Variants in RB1CC1 observed in about 807,000 individuals in gnomAD.
RB1CC1 encodes the protein RB1-inducible coiled-coil protein 1.
A neutral mutation model predicts 177.5 loss-of-function variants in RB1CC1; 46 were observed. The ratio of observed to expected loss-of-function variants is 0.26; its 90% CI spans 0.20 to 0.33. The LOEUF (loss-of-function observed/expected upper bound fraction) is 0.33, where lower values mean the gene tolerates loss of function less well. Among genes scored for constraint, RB1CC1 ranks in the 10% least tolerant of loss-of-function variants. The pLI is 1.00. For missense variants in RB1CC1, 1,703 were observed against 1,816.3 expected (o/e 0.94, Z 1.13); for synonymous variants, 666 against 613.6 (o/e 1.09, Z -1.26).
chr8:52,705,335 T>C (rs927429901), intron 1 of RB1CC1, among the ~76,000 whole-genome samples: 12 of 152,202 alleles, frequency 7.9e-5, no homozygotes, highest in African/African-American at 2.9e-4. Flanking sequence ...TGGCTATCCA[T>C]AGCATGAAGA....
At chr8:52,686,550 GA>G (rs1242174209) in intron 2 of RB1CC1, among the ~76,000 whole-genome samples, 1 of 151,838 alleles carries the variant, frequency 6.6e-6, no homozygotes, top group African/African-American at 2.4e-5. Flanking sequence ...TATCTCAAAA[GA>G]AAAAGAGAAA....
chr8:52,676,503 T>C lies in RB1CC1; in HGVS notation c.438A>G (p.Gln146=), dbSNP rs768996413. 4 of 1,613,658 alleles carry C rather than the reference T, an allele frequency of 2.5e-6. No individual in the cohort carries two copies. Among genetic ancestry groups the C allele is most frequent in the South Asian group, 2.2e-5 (2 of 90,924 alleles). ...CEGLVHDEHL[Q]HQGWAAIMAN... ...CCATGATTGCAGCCCAGCCTTGGTG[T>C]TGAAGATGTTCATCATGTACAAGAC... Residue 146 remains glutamine, a synonymous_variant, in exon 6 of 24, where the codon CAA becomes CAG. Transcript: ENST00000025008.
intron 1 of RB1CC1, among the ~76,000 whole-genome samples, chr8:52,690,533 G>A (rs376421249): frequency 6.6e-6 from 1 of 152,178 alleles, no homozygotes; most frequent in Admixed American, 6.5e-5. Flanking sequence ...TGTGATCAAA[G>A]GAGGCCTCTA....
chr8:52,658,941 T>A lies in RB1CC1; in HGVS notation c.1725A>T (p.Pro575=). Residue 575 remains proline, a synonymous_variant, in exon 13 of 24, where the codon CCA becomes CCT. Coordinates refer to ENST00000025008, the MANE Select transcript of RB1CC1 (RefSeq NM_014781.5). ...ACTGTAAATCTTTTAATGAAATATC[T>A]GGAAGTTCACAGTCAAACTTTCGAG... is the stretch of plus-strand genomic sequence containing the variant. ...QKPRKFDCEL[P]DISLKDLQFL... The A allele has an allele frequency of 6.3e-7, 1 of 1,580,806 alleles. No homozygotes were observed. Among genetic ancestry groups the A allele is most frequent in the South Asian group, 1.2e-5 (1 of 84,308 alleles).
At chr8:52,678,526 GTA>G (rs1209789401) in intron 5 of RB1CC1, among the ~76,000 whole-genome samples, 1 of 152,188 alleles carries the variant, frequency 6.6e-6, no homozygotes, top group Admixed American at 6.5e-5. Flanking sequence ...CATTTTGTGT[GTA>G]TATCAAAGTC....
chr8:52,674,841 C>A (rs1852950188), intron 6 of RB1CC1, among the ~76,000 whole-genome samples: 4 of 150,404 alleles, frequency 2.7e-5, no homozygotes, highest in Non-Finnish European at 4.4e-5. Context: ...TTTTACAAAA[C>A]CTTAAAGATG....
rs899456112 is a variant in RB1CC1, at chr8:52,682,483, TAA to T, written c.369+1064_369+1065del. Among the ~76,000 whole-genome samples, 50 of 152,172 alleles carry T rather than the reference TAA, an allele frequency of 3.3e-4. 3 individuals are homozygous for T. ...AAAAAATATTTTAAATATGATGCAT[TAA>T]AAGAGAAATAATGCCAGCTTATATT... On this transcript the variant is annotated intron_variant, in intron 5 of 23. Coordinates refer to ENST00000025008, the MANE Select transcript of RB1CC1 (RefSeq NM_014781.5).
chr8:52,657,203 C>T lies in RB1CC1; in HGVS notation c.2626G>A (p.Gly876Ser), dbSNP rs996464319. ...TCCTTTATTAGTCCGTCAAGTTTAC[C>T]TTCATATTCATTTTTTAAAGACAGT... ...ELLSLKNEYE[G>S]KLDGLIKETE... The change falls in exon 15 of 24, where the codon GGT (glycine) becomes AGT (serine). Residue 876 changes from glycine to serine, a missense_variant. Transcript: ENST00000025008. 3 of 1,597,644 alleles carry T rather than the reference C, an allele frequency of 1.9e-6. No individual in the cohort carries two copies. Among genetic ancestry groups the T allele is most frequent in the African/African-American group, 1.4e-5 (1 of 74,026 alleles).
intron 12 of RB1CC1, among the ~76,000 whole-genome samples, chr8:52,660,026 C>A (rs1030335716): frequency 6.6e-6 from 1 of 152,166 alleles, no homozygotes; most frequent in African/African-American, 2.4e-5. Context: ...GCTAAGAGTA[C>A]ATCTGATGGG....
intron 15 of RB1CC1, among the ~76,000 whole-genome samples, chr8:52,652,413 T>C (rs1004879797): frequency 7.4e-5 from 11 of 147,652 alleles, no homozygotes; most frequent in African/African-American, 1.5e-4. Flanking sequence ...TGAGCCGTGA[T>C]TGCGCCACTG....
intron 5 of RB1CC1, among the ~76,000 whole-genome samples, chr8:52,679,291 TAA>T (rs963089909): frequency 6.6e-6 from 1 of 152,202 alleles, no homozygotes; most frequent in Non-Finnish European, 1.5e-5. Flanking sequence ...ATCTTTAACC[TAA>T]AACAGTTCTG....
At chr8:52,650,421 C>T (rs184683288) in intron 15 of RB1CC1, among the ~76,000 whole-genome samples, 33 of 152,278 alleles carry the variant, frequency 2.2e-4, no homozygotes, top group Non-Finnish European at 3.8e-4. Context: ...AGACAACTGA[C>T]GAAAGTCTTC....
Position 52,682,363 on chromosome 8 carries a change from C to T in RB1CC1, c.369+1186G>A, listed in dbSNP as rs189661687. ...GTTAAGTCCAATTAAACCTCTTTTT[C>T]GTCCCAGGCTCGGGTTATGTCTTTA... is the stretch of plus-strand genomic sequence containing the variant. On this transcript the variant is annotated intron_variant, in intron 5 of 23. Transcript: ENST00000025008. Among the ~76,000 whole-genome samples, 122 of 152,222 alleles carry T rather than the reference C, an allele frequency of 8.0e-4. 1 individual carries two copies. The highest frequency in any genetic ancestry group is 8.8e-5 in the Non-Finnish European group (6 of 68,008).
intron 1 of RB1CC1, 31 bp downstream of exon 1, chr8:52,714,044 G>C: frequency 2.9e-6 from 1 of 344,608 alleles, no homozygotes; most frequent in African/African-American, 2.3e-5. Context: ...GCCAGATGGG[G>C]GAAGGGGACG....
At chr8:52,653,213 C>T (rs1850773114) in intron 15 of RB1CC1, among the ~76,000 whole-genome samples, 2 of 152,138 alleles carry the variant, frequency 1.3e-5, no homozygotes, top group Non-Finnish European at 2.9e-5. Context: ...TTGCAAAATA[C>T]AAGCTTAAAA....
chr8:52,704,238 T>C (rs529587013), intron 1 of RB1CC1, among the ~76,000 whole-genome samples: 15 of 152,256 alleles, frequency 9.9e-5, no homozygotes, highest in African/African-American at 3.6e-4. Context: ...ACTAGATTAT[T>C]CTTCTGATCT....
At chr8:52,676,076 G>C (rs1853096887) in intron 6 of RB1CC1, among the ~76,000 whole-genome samples, 1 of 152,064 alleles carries the variant, frequency 6.6e-6, no homozygotes, top group Non-Finnish European at 1.5e-5. Context: ...TAGTGGACAA[G>C]ACATAAGCAA....
intron 5 of RB1CC1, among the ~76,000 whole-genome samples, chr8:52,677,309 A>G (rs2150569433): frequency 6.6e-6 from 1 of 152,312 alleles, no homozygotes; most frequent in East Asian, 1.9e-4. Flanking sequence ...AAGGTATGAA[A>G]AGAATATGAA....
intron 7 of RB1CC1, among the ~76,000 whole-genome samples, chr8:52,670,212 C>G (rs928249977): frequency 1.3e-5 from 2 of 152,176 alleles, no homozygotes; most frequent in Non-Finnish European, 2.9e-5. Flanking sequence ...GGATTATAGG[C>G]ATGAGTCACC....
Sources: gnomAD v4.1 joint callset for allele counts (sites outside exome capture counted in the v4.1 genomes callset) on GRCh38, gnomAD v4.1.1 for gene constraint, MANE v1.5 for transcripts, NCBI Gene and HGNC (gene_info 2026-07-23, HGNC 2026-07-21) for gene names.